SYN2: variants seen among roughly 807,000 people sequenced by gnomAD.
SYN2 encodes the protein synapsin II, also known as synapsin-2.
In SYN2, 19 loss-of-function variants were observed where a neutral mutation model predicts 50.9. The ratio of observed to expected loss-of-function variants is 0.37; its 90% CI spans 0.26 to 0.55. The LOEUF is 0.55. SYN2 is among the 20% of genes least tolerant of loss of function. SYN2 has a pLI of 0.81. For synonymous variants in SYN2, 255 were observed against 224.9 expected (o/e 1.13, Z -1.20); for missense variants, 587 against 576.4 (o/e 1.02, Z -0.19).
intron 1 of SYN2, among the ~76,000 whole-genome samples, chr3:12,044,207 A>ACACACACC (rs71044256): frequency 0.026 from 3,744 of 144,780 alleles, 71 homozygotes; most frequent in East Asian, 0.037. Context: ...ACACACACAC[A>ACACACACC]CACACACACA....
intron 1 of SYN2, among the ~76,000 whole-genome samples, chr3:12,016,517 C>T (rs1694032434): frequency 6.6e-6 from 1 of 152,188 alleles, no homozygotes; most frequent in African/African-American, 2.4e-5. Flanking sequence ...CTTTTTGTGT[C>T]ACCATAGGCA....
chr3:12,142,759 A>G (rs1697051295), intron 3 of SYN2, among the ~76,000 whole-genome samples: 1 of 152,166 alleles, frequency 6.6e-6, no homozygotes, highest in Non-Finnish European at 1.5e-5. Flanking sequence ...TTATGGCTTC[A>G]GGTTTTCAGA....
intron 11 of SYN2, chr3:12,185,406 G>A (rs954307093): frequency 2.6e-5 from 26 of 985,798 alleles, no homozygotes; most frequent in Non-Finnish European, 3.1e-5. Context: ...AGGCTACAGG[G>A]TGGTGTCAGT....
At chr3:12,121,000 T>C (rs1574951430) in intron 1 of SYN2, among the ~76,000 whole-genome samples, 2 of 152,220 alleles carry the variant, frequency 1.3e-5, no homozygotes, top group East Asian at 3.8e-4. Flanking sequence ...CGGCCATCAT[T>C]CCTTGCCTTA....
chr3:12,034,370 CT>C (rs753450217), intron 1 of SYN2, among the ~76,000 whole-genome samples: 1 of 152,128 alleles, frequency 6.6e-6, no homozygotes, highest in Non-Finnish European at 1.5e-5. Context: ...CCTTTTCCCA[CT>C]TTTTGATTGG....
At chr3:12,153,590 A>G in intron 5 of SYN2, 1 of 1,614,146 alleles carries the variant, frequency 6.2e-7, no homozygotes, top group Non-Finnish European at 8.5e-7. Flanking sequence ...TGCCGTCAAC[A>G]TGCTTCATAC....
At chr3:12,012,560 A>G (rs1235879968) in intron 1 of SYN2, among the ~76,000 whole-genome samples, 1 of 152,120 alleles carries the variant, frequency 6.6e-6, no homozygotes, top group African/African-American at 2.4e-5. Flanking sequence ...CTGTCCCCTC[A>G]ATCCTGAATT....
At chr3:12,091,702 A>AAT (rs1695832908) in intron 1 of SYN2, among the ~76,000 whole-genome samples, 1 of 152,160 alleles carries the variant, frequency 6.6e-6, no homozygotes, top group African/African-American at 2.4e-5. Flanking sequence ...CTTCTGTCAA[A>AAT]ATAGTTAAGC....
chr3:12,048,694 T>C (rs1362104333), intron 1 of SYN2, among the ~76,000 whole-genome samples: 1 of 152,188 alleles, frequency 6.6e-6, no homozygotes, highest in African/African-American at 2.4e-5. Context: ...TAGTATCTCA[T>C]TTCATCCTCT....
chr3:12,154,464 A>G, intron 5 of SYN2: 1 of 1,613,788 alleles, frequency 6.2e-7, no homozygotes, highest in Non-Finnish European at 8.5e-7. Flanking sequence ...TCAAGGGGAG[A>G]TGGAGGAGAG....
At chr3:12,123,854 C>G (rs1696611396) in intron 1 of SYN2, among the ~76,000 whole-genome samples, 1 of 151,844 alleles carries the variant, frequency 6.6e-6, no homozygotes, top group South Asian at 2.1e-4. Flanking sequence ...ACAAAAAATA[C>G]AAAAAAATCA....
At chr3:12,104,464 T>C (rs200845568) in intron 1 of SYN2, among the ~76,000 whole-genome samples, 99 of 151,890 alleles carry the variant, frequency 6.5e-4, no homozygotes, top group Admixed American at 4.1e-3. Flanking sequence ...ATTTGAGCAA[T>C]GTGATTAATA....
At chr3:12,156,969 T>C in intron 5 of SYN2, 1 of 1,468,232 alleles carries the variant, frequency 6.8e-7, no homozygotes, top group Non-Finnish European at 9.5e-7. Flanking sequence ...CAATATTGGG[T>C]CAGTGAGTGT....
chr3:12,176,912 T>C (rs1026627302), intron 10 of SYN2, among the ~76,000 whole-genome samples: 2 of 151,976 alleles, frequency 1.3e-5, no homozygotes, highest in Non-Finnish European at 1.5e-5. Flanking sequence ...GGCTGCCACA[T>C]TGTTGCTGAT....
intron 1 of SYN2, among the ~76,000 whole-genome samples, chr3:12,064,241 T>C (rs965753061): frequency 6.6e-6 from 1 of 151,902 alleles, no homozygotes; most frequent in South Asian, 2.1e-4. Context: ...ATCAAAAACA[T>C]GGAAAGTCTG....
intron 1 of SYN2, among the ~76,000 whole-genome samples, chr3:12,140,110 T>A (rs1477303558): frequency 6.6e-6 from 1 of 152,270 alleles, no homozygotes; most frequent in African/African-American, 2.4e-5. Flanking sequence ...TTTGGTCTAA[T>A]TAATTTCCTC....
At chr3:12,171,851 A>AAAAT (rs1388919594) in intron 10 of SYN2, among the ~76,000 whole-genome samples, 1 of 152,232 alleles carries the variant, frequency 6.6e-6, no homozygotes, top group African/African-American at 2.4e-5. Flanking sequence ...TTTATAGAAC[A>AAAAT]AAATTTTCTA....
In SYN2 at chr3:12,170,750, A is replaced by G. The variant is rs115770002; in HGVS notation, c.1308+844A>G. Among the ~76,000 whole-genome samples, 371 of 152,302 alleles carry G rather than the reference A, an allele frequency of 2.4e-3. 1 individual carries two copies. Among genetic ancestry groups the G allele is most frequent in the African/African-American group, 8.5e-3 (352 of 41,556 alleles). On this transcript the variant is annotated intron_variant, in intron 10 of 12. Coordinates refer to ENST00000621198, the MANE Select transcript of SYN2 (RefSeq NM_133625.6). ...AAATGACTAGCCTTTCTTGGTCTCA[A>G]GTTTTTTTATTTATTAATGAGAATT...
intron 1 of SYN2, among the ~76,000 whole-genome samples, chr3:12,053,449 C>CA (rs1006803792): frequency 2.0e-5 from 3 of 149,334 alleles, no homozygotes; most frequent in Non-Finnish European, 2.9e-5. Context: ...CAAAACAAAA[C>CA]AAAAAAATAT....
Sources: gnomAD v4.1 joint callset for allele counts (sites outside exome capture counted in the v4.1 genomes callset) on GRCh38, gnomAD v4.1.1 for gene constraint, MANE v1.5 for transcripts, NCBI Gene and HGNC (gene_info 2026-07-23, HGNC 2026-07-21) for gene names.